GBE1: variants seen among roughly 807,000 people sequenced by gnomAD.
GBE1 encodes 1,4-alpha-glucan branching enzyme 1, also known as 1,4-alpha-glucan-branching enzyme.
A neutral mutation model predicts 88.8 loss-of-function variants in GBE1; 70 were observed. The observed-to-expected ratio is 0.79, with a 90% CI of 0.65 to 0.96. GBE1 has a LOEUF of 0.96. GBE1 is among the 40% of genes least tolerant of loss of function. The pLI, the probability that GBE1 is intolerant of heterozygous loss-of-function variation, is 0.00. For missense variants in GBE1, 872 were observed against 871.0 expected (o/e 1.00, Z -0.01); for synonymous variants, 284 against 300.1 (o/e 0.95, Z 0.56).
At chr3:81,749,102 G>A (rs1229229658) in intron 1 of GBE1, among the ~76,000 whole-genome samples, 4 of 151,854 alleles carry the variant, frequency 2.6e-5, no homozygotes, top group Non-Finnish European at 4.4e-5. Flanking sequence ...ACAGCATTCT[G>A]TGCATTTATC....
chr3:81,740,389 T>A (rs1706330088), intron 1 of GBE1, among the ~76,000 whole-genome samples: 2 of 151,978 alleles, frequency 1.3e-5, no homozygotes, highest in South Asian at 4.1e-4. Flanking sequence ...CTTTTTTTTT[T>A]AAGCTGGTAT....
intron 2 of GBE1, among the ~76,000 whole-genome samples, chr3:81,702,700 A>G (rs965551148): frequency 1.3e-5 from 2 of 152,084 alleles, no homozygotes; most frequent in African/African-American, 4.8e-5. Context: ...GTGGAATTTT[A>G]AAAGTCAATG....
At chr3:81,742,681 G>T (rs1706364980) in intron 1 of GBE1, among the ~76,000 whole-genome samples, 2 of 152,044 alleles carry the variant, frequency 1.3e-5, no homozygotes, top group Admixed American at 6.6e-5. Context: ...TGAGGCGAAA[G>T]AAGTTTTTTA....
intron 1 of GBE1, among the ~76,000 whole-genome samples, chr3:81,720,648 G>A (rs1466535250): frequency 2.6e-5 from 4 of 151,988 alleles, no homozygotes; most frequent in Non-Finnish European, 5.9e-5. Flanking sequence ...AAATAACACT[G>A]ATACATTTCA....
chr3:81,504,733 C>G (rs1021445013), intron 14 of GBE1, among the ~76,000 whole-genome samples: 2 of 152,124 alleles, frequency 1.3e-5, no homozygotes, highest in East Asian at 3.9e-4. Flanking sequence ...GATTAAAGAA[C>G]AGTGAAGGCA....
At chr3:81,688,875 C>T (rs535066865) in intron 2 of GBE1, among the ~76,000 whole-genome samples, 2 of 151,630 alleles carry the variant, frequency 1.3e-5, no homozygotes, top group South Asian at 2.1e-4. Context: ...GTAAATTACA[C>T]AGGCAATTAC....
chr3:81,554,816 G>A (rs1445309075), intron 12 of GBE1, among the ~76,000 whole-genome samples: 2 of 152,072 alleles, frequency 1.3e-5, no homozygotes, highest in Non-Finnish European at 2.9e-5. Context: ...ACTTTTCTAG[G>A]TTTCCATCTC....
intron 2 of GBE1, among the ~76,000 whole-genome samples, chr3:81,705,050 C>T (rs566312511): frequency 2.2e-4 from 33 of 152,192 alleles, no homozygotes; most frequent in African/African-American, 7.5e-4. Flanking sequence ...ACAGAGGATC[C>T]AAGAACTATG....
chr3:81,666,237 T>C (rs1292438666), intron 3 of GBE1, among the ~76,000 whole-genome samples: 1 of 152,138 alleles, frequency 6.6e-6, no homozygotes, highest in Non-Finnish European at 1.5e-5. Context: ...TACAAATGCC[T>C]AAAAACTGAT....
intron 1 of GBE1, among the ~76,000 whole-genome samples, chr3:81,720,626 T>C (rs911227088): frequency 6.6e-6 from 1 of 152,160 alleles, no homozygotes; most frequent in African/African-American, 2.4e-5. Context: ...AATGATGTAA[T>C]GTATGAATGT....
chr3:81,490,332 T>C lies in GBE1; in HGVS notation c.*75A>G. The C allele has an allele frequency of 8.3e-7, 1 of 1,197,976 alleles. No homozygotes were observed. The highest frequency in any genetic ancestry group is 1.5e-5 in the African/African-American group (1 of 66,756). The allele number at this position is 1,197,976 out of a possible 1,614,324, so 74.2% of individuals were successfully genotyped here. ...AACTGTATTCTGAAAAGCATACATG[T>C]TATAAGCTGTGTGACAGTGATAACA... is the stretch of plus-strand genomic sequence containing the variant. On this transcript the variant is annotated 3_prime_UTR_variant, in exon 16 of 16. Coordinates refer to ENST00000429644, the MANE Select transcript of GBE1 (RefSeq NM_000158.4).
chr3:81,646,186 C>T (rs1233731646), intron 6 of GBE1, among the ~76,000 whole-genome samples: 1 of 152,138 alleles, frequency 6.6e-6, no homozygotes, highest in East Asian at 1.9e-4. Flanking sequence ...CAAATCATCC[C>T]ACGAGGAGTA....
intron 3 of GBE1, among the ~76,000 whole-genome samples, chr3:81,657,134 C>CAAAA (rs796897811): frequency 1.1e-4 from 9 of 81,858 alleles, no homozygotes; most frequent in African/African-American, 1.6e-4. Flanking sequence ...CCAGCCGTCT[C>CAAAA]AAAAAAAAAA....
chr3:81,687,047 C>T (rs181631767), intron 2 of GBE1, among the ~76,000 whole-genome samples: 41 of 152,176 alleles, frequency 2.7e-4, no homozygotes, highest in Middle Eastern at 3.4e-3. Flanking sequence ...TTTAAAAGTT[C>T]GAAAACAATA....
chr3:81,739,721 T>C (rs1706319993), intron 1 of GBE1, among the ~76,000 whole-genome samples: 1 of 152,176 alleles, frequency 6.6e-6, no homozygotes, highest in Non-Finnish European at 1.5e-5. Context: ...GACTTGAGTT[T>C]TTCCATGAGG....
At chr3:81,598,538 T>G (rs553381160) in intron 7 of GBE1, among the ~76,000 whole-genome samples, 1 of 151,974 alleles carries the variant, frequency 6.6e-6, no homozygotes, top group Non-Finnish European at 1.5e-5. Flanking sequence ...TCAATTTTAA[T>G]TAAATTAACC....
chr3:81,743,406 A>C, intron 1 of GBE1: 1 of 540,784 alleles, frequency 1.8e-6, no homozygotes, highest in Non-Finnish European at 3.3e-6. Flanking sequence ...AGAATATAAA[A>C]AGACACAAGG....
intron 7 of GBE1, among the ~76,000 whole-genome samples, chr3:81,601,427 G>A (rs769362295): frequency 6.6e-6 from 1 of 152,012 alleles, no homozygotes; most frequent in Non-Finnish European, 1.5e-5. Flanking sequence ...TTTGGCAATT[G>A]TCCTGGTACA....
At chr3:81,571,601 C>G (rs1178837616) in intron 12 of GBE1, among the ~76,000 whole-genome samples, 7 of 152,056 alleles carry the variant, frequency 4.6e-5, no homozygotes, top group African/African-American at 1.4e-4. Flanking sequence ...TTAAAAAGTG[C>G]TCTTCTATAA....
Sources: gnomAD v4.1 joint callset for allele counts (sites outside exome capture counted in the v4.1 genomes callset) on GRCh38, gnomAD v4.1.1 for gene constraint, MANE v1.5 for transcripts, NCBI Gene and HGNC (gene_info 2026-07-23, HGNC 2026-07-21) for gene names.